Variants in BCR observed in about 807,000 individuals in gnomAD.
BCR encodes BCR activator of RhoGEF and GTPase.
A neutral mutation model predicts 138.6 loss-of-function variants in BCR; 58 were observed. That is an observed-to-expected ratio of 0.42 (90% confidence interval 0.34 to 0.52). BCR has a LOEUF of 0.52. BCR is among the 20% of genes least tolerant of loss of function. BCR has a pLI of 0.06. For missense variants in BCR, 1,599 were observed against 1,727.2 expected, an observed-to-expected ratio of 0.93 and a Z score of 1.32; for synonymous variants, 786 against 730.1, an observed-to-expected ratio of 1.08 and a Z score of -1.23.
rs527548879 is a variant in BCR, at chr22:23,315,495, G to C, written c.3789G>C (p.Gln1263His). ...EAIPAPDSKR[Q>H]SILFSTEV ...TCCCTGCCCCGGACAGCAAGAGACA[G>C]AGCATCCTGTTCTCCACCGAAGTCT... is the stretch of plus-strand genomic sequence containing the variant. The change falls in exon 23 of 23, where the codon CAG becomes CAC. Residue 1263 changes from glutamine (Q) to histidine (H), a missense_variant. Around this residue, in one of 4 missense-constraint regions of BCR, gnomAD observed 177 missense variants for 226.4 expected, o/e 0.78. Coordinates refer to ENST00000305877, the MANE Select transcript of BCR (RefSeq NM_004327.4). 1.9e-6 allele frequency: 3 copies of C among 1,612,674 alleles called. No homozygotes were observed. Among genetic ancestry groups the C allele is most frequent in the African/African-American group, 2.7e-5 (2 of 75,014 alleles).
intron 1 of BCR, among the ~76,000 whole-genome samples, chr22:23,246,392 T>C (rs1325190203): frequency 6.6e-6 from 1 of 152,224 alleles, no homozygotes; most frequent in Non-Finnish European, 1.5e-5. Flanking sequence ...TGCTATTCCA[T>C]TGAATCTGAT....
intron 16 of BCR, among the ~76,000 whole-genome samples, chr22:23,308,844 G>A (rs566481185): frequency 6.6e-6 from 1 of 152,280 alleles, no homozygotes; most frequent in African/African-American, 2.4e-5. Flanking sequence ...GCCGGGTGGG[G>A]GTAGAAGTTA....
intron 4 of BCR, chr22:23,264,293 C>A: frequency 2.1e-6 from 2 of 941,104 alleles, no homozygotes; most frequent in Non-Finnish European, 3.5e-6. Flanking sequence ...GCCTGCATCT[C>A]ACCACCAAGC....
chr22:23,273,157 C>G (rs1475404531), intron 7 of BCR, 24 bp downstream of exon 7: 14 of 1,611,158 alleles, frequency 8.7e-6, no homozygotes, highest in Non-Finnish European at 1.2e-5. Context: ...CCCCTCTGGA[C>G]CGGGACCAAA....
At chr22:23,296,944 C>T (rs559422388) in intron 16 of BCR, among the ~76,000 whole-genome samples, 3 of 152,278 alleles carry the variant, frequency 2.0e-5, no homozygotes, top group East Asian at 3.9e-4. Flanking sequence ...CTTTGAGATC[C>T]GAAGTATTTT....
chr22:23,225,777 C>G (rs1159211262), intron 1 of BCR, among the ~76,000 whole-genome samples: 2 of 152,226 alleles, frequency 1.3e-5, no homozygotes, highest in Non-Finnish European at 2.9e-5. Flanking sequence ...AGGCAGTCAT[C>G]CAAGACTCCT....
chr22:23,250,430 CTCTT>C (rs2073211373), intron 1 of BCR, among the ~76,000 whole-genome samples: 1 of 152,178 alleles, frequency 6.6e-6, no homozygotes, highest in Non-Finnish European at 1.5e-5. Context: ...TGGTTTTAGT[CTCTT>C]TCTCTAGTGA....
chr22:23,254,440 T>C (rs564265810), intron 2 of BCR: 1 of 515,130 alleles, frequency 1.9e-6, no homozygotes, highest in East Asian at 5.5e-5. Flanking sequence ...TCTTGGCCTT[T>C]CTGTCACTTC....
intron 4 of BCR, chr22:23,264,361 C>CACA: frequency 1.1e-6 from 1 of 936,752 alleles, no homozygotes. Flanking sequence ...AACCCGTGAC[C>CACA]GTCAGGGCCA....
chr22:23,262,965 A>G (rs2146277824), intron 4 of BCR: 3 of 1,002,940 alleles, frequency 3.0e-6, no homozygotes, highest in African/African-American at 1.7e-5. Flanking sequence ...GGCGAGAGGC[A>G]TCATCAAAGG....
At chr22:23,209,866 G>A (rs1475499800) in intron 1 of BCR, among the ~76,000 whole-genome samples, 2 of 152,132 alleles carry the variant, frequency 1.3e-5, no homozygotes, top group African/African-American at 4.8e-5. Flanking sequence ...CTGGCCTCAG[G>A]CCATCCTCCT....
intron 1 of BCR, among the ~76,000 whole-genome samples, chr22:23,200,501 G>A (rs182153072): frequency 3.3e-5 from 5 of 151,942 alleles, no homozygotes; most frequent in Admixed American, 2.0e-4. Context: ...ATTTTTTGTA[G>A]AGACAAGGTT....
At chr22:23,201,638 T>C (rs2072554996) in intron 1 of BCR, among the ~76,000 whole-genome samples, 1 of 152,134 alleles carries the variant, frequency 6.6e-6, no homozygotes, top group Non-Finnish European at 1.5e-5. Context: ...TTTGTATTTT[T>C]AGTAGAGGTG....
At chr22:23,213,593 T>TG (rs1017598999) in intron 1 of BCR, among the ~76,000 whole-genome samples, 1 of 151,932 alleles carries the variant, frequency 6.6e-6, no homozygotes, top group African/African-American at 2.4e-5. Flanking sequence ...GAGGCCAAGG[T>TG]GGGAAGATTG....
At chr22:23,307,257 G>A (rs1311851972) in intron 16 of BCR, among the ~76,000 whole-genome samples, 3 of 150,598 alleles carry the variant, frequency 2.0e-5, no homozygotes, top group Admixed American at 2.0e-4. Flanking sequence ...CACCATGCTT[G>A]GCTAATGCTT....
At chr22:23,225,843 G>C (rs754556818) in intron 1 of BCR, among the ~76,000 whole-genome samples, 3 of 152,274 alleles carry the variant, frequency 2.0e-5, no homozygotes, top group Middle Eastern at 3.4e-3. Flanking sequence ...TATTCATTTC[G>C]CACAGTCAGT....
chr22:23,231,508 T>TAAAATAAAAA (rs1170071696), intron 1 of BCR, among the ~76,000 whole-genome samples: 3 of 136,024 alleles, frequency 2.2e-5, no homozygotes, highest in Admixed American at 1.5e-4. Context: ...CCCCGTCTCA[T>TAAAATAAAAA]AAAATAAAAT....
chr22:23,200,275 C>T lies in BCR; in HGVS notation c.1279+18036C>T, dbSNP rs145253349. Among the ~76,000 whole-genome samples, 476 of 152,212 alleles carry T rather than the reference C, an allele frequency of 3.1e-3. 3 individuals are homozygous for T. The highest frequency in any genetic ancestry group is 0.011 in the African/African-American group (449 of 41,524). ...AGGTCTGGTGGTCTGTCCCTGACTGCACTTTTTTCAGAGCTGTTTTGGTTT... is the reference window on the plus strand; with the variant it reads ...AGGTCTGGTGGTCTGTCCCTGACTGTACTTTTTTCAGAGCTGTTTTGGTTT... On this transcript the variant is annotated intron_variant, in intron 1 of 22. Coordinates refer to ENST00000305877, the MANE Select transcript of BCR (RefSeq NM_004327.4).
At chr22:23,293,586 C>T (rs1323251210) in intron 15 of BCR, among the ~76,000 whole-genome samples, 4 of 152,118 alleles carry the variant, frequency 2.6e-5, no homozygotes, top group African/African-American at 4.8e-5. Context: ...GGGGATCCAT[C>T]GAAGAAGCCT....
Sources: gnomAD v4.1 joint callset for allele counts (sites outside exome capture counted in the v4.1 genomes callset) on GRCh38, gnomAD v4.1.1 for gene constraint, gnomAD v4.1.1 regional missense constraint, MANE v1.5 for transcripts, NCBI Gene and HGNC (gene_info 2026-07-23, HGNC 2026-07-21) for gene names.